The following COL4A4 variants were observed in gnomAD, a reference collection of about 807,000 sequenced individuals.
The protein encoded by COL4A4 is collagen type IV alpha 4 chain.
A neutral mutation model predicts 192.9 loss-of-function variants in COL4A4; 105 were observed. The observed-to-expected ratio is 0.54, with a 90% CI of 0.46 to 0.64. The LOEUF (loss-of-function observed/expected upper bound fraction) is 0.64, where lower values mean the gene tolerates loss of function less well. Ranked by LOEUF, COL4A4 falls within the 30% of genes least tolerant of loss-of-function variation. The pLI, the probability that COL4A4 is intolerant of heterozygous loss-of-function variation, is 0.00. For synonymous variants in COL4A4, 762 were observed against 769.9 expected (o/e 0.99, Z 0.17); for missense variants, 1,967 against 2,169.3 (o/e 0.91, Z 1.85).
At chr2:226,998,210 A>G (rs1363427930), downstream of COL4A4, 1 of 152,186 alleles carries the variant, frequency 6.6e-6, no homozygotes, top group Non-Finnish European at 1.5e-5. Flanking sequence ...CTCTGAATGT[A>G]TTGCCTGTGA....
At chr2:227,108,804 A>G in intron 11 of COL4A4, 29 bp downstream of exon 11, 1 of 1,608,850 alleles carries the variant, frequency 6.2e-7, no homozygotes, top group South Asian at 1.1e-5. Context: ...TCAGGGCTCT[A>G]TTGATGTATC....
Position 227,092,066 on chromosome 2 carries a change from C to CA in COL4A4, c.1369+2058dup, listed in dbSNP as rs915737121. ...TGGAATTTAAGACCCCAAAAACAAA[C>CA]AAAAAAAAAGAGCTCCTATGAGCTT... On this transcript the variant is annotated intron_variant, in intron 20 of 47. Coordinates refer to ENST00000396625, the MANE Select transcript of COL4A4 (RefSeq NM_000092.5). Among the ~76,000 whole-genome samples the CA allele has an allele frequency of 5.0e-3, 753 of 149,752 alleles. 6 individuals are homozygous for CA. The highest frequency in any genetic ancestry group is 0.018 in the African/African-American group (718 of 40,860).
intron 1 of COL4A4, among the ~76,000 whole-genome samples, chr2:227,156,340 G>A (rs1013486316): frequency 4.0e-5 from 6 of 151,260 alleles, no homozygotes; most frequent in East Asian, 1.9e-4. Context: ...CAGAGGTTGC[G>A]TGAGTGGAGA....
At chr2:227,053,472 G>A (rs1183918748) in intron 31 of COL4A4, among the ~76,000 whole-genome samples, 1 of 151,916 alleles carries the variant, frequency 6.6e-6, no homozygotes, top group Non-Finnish European at 1.5e-5. Flanking sequence ...TAACAGGGAT[G>A]GGGACATAAT....
At position 227,055,979 on chromosome 2, in the gene COL4A4, T is replaced by G. The variant is rs1576175164; in HGVS notation, c.2682A>C (p.Gly894=). The change falls in exon 30 of 48, where the codon GGA becomes GGC. Residue 894 remains glycine (G), a synonymous_variant. Transcript: ENST00000396625. ...CTGGAGGACCAGGTAGCCCATCATC[T>G]CCAAAGGGACCTGGGATTCCTGGGA... ...PGLPGIPGPF[G]DDGLPGPPGP... 2 of 1,613,968 alleles carry G rather than the reference T, an allele frequency of 1.2e-6. No individual in the cohort carries two copies. Among genetic ancestry groups the G allele is most frequent in the Non-Finnish European group, 1.7e-6 (2 of 1,179,950 alleles).
intron 25 of COL4A4, among the ~76,000 whole-genome samples, chr2:227,067,053 C>T (rs923861986): frequency 6.6e-6 from 1 of 151,596 alleles, no homozygotes; most frequent in Non-Finnish European, 1.5e-5. Flanking sequence ...CAAAAAAAGG[C>T]AGGGATTGCA....
Position 227,060,044 on chromosome 2 carries a change from A to G in COL4A4, c.2164+92T>C, listed in dbSNP as rs1976501735. 4.2e-5 allele frequency: 36 copies of G among 863,132 alleles called. No homozygotes were observed. The East Asian group carries it at 5.1e-4, about 12-fold the overall frequency. 53.5% of individuals were successfully genotyped at this position (863,132 alleles called of 1,614,324 possible). On this transcript the variant is annotated intron_variant, in intron 27 of 47. Coordinates refer to ENST00000396625, the MANE Select transcript of COL4A4 (RefSeq NM_000092.5). The stretch of plus-strand genomic sequence containing the variant: ...TAGGGATCCCTGGACCATTTCCTCA[A>G]TGAAATTATCCATCGGTAGAAATGT...
At chr2:227,038,561 G>A (rs1970160814) in intron 37 of COL4A4, among the ~76,000 whole-genome samples, 1 of 152,082 alleles carries the variant, frequency 6.6e-6, no homozygotes, top group Non-Finnish European at 1.5e-5. Flanking sequence ...CTCTTTTTTG[G>A]TTCCATTTGA....
At position 227,116,841 on chromosome 2, in the gene COL4A4, T is replaced by A. The variant is rs376500437; in HGVS notation, c.489+1804A>T. On this transcript the variant is annotated intron_variant, in intron 7 of 47. Coordinates refer to ENST00000396625, the MANE Select transcript of COL4A4 (RefSeq NM_000092.5). Reference sequence around the variant, plus strand: ...CACAACACTGGAAACAGATCCGAACTTAGGAGTATCATACTTCCTCAAAAC... The same window carrying A: ...CACAACACTGGAAACAGATCCGAACATAGGAGTATCATACTTCCTCAAAAC... Among the ~76,000 whole-genome samples the A allele has an allele frequency of 6.0e-5, 9 of 150,370 alleles. No individual in the cohort carries two copies. In the East Asian group the frequency reaches 1.5e-3, roughly 26 times the overall value.
At chr2:227,064,290 A>G (rs2058158756) in intron 25 of COL4A4, among the ~76,000 whole-genome samples, 1 of 152,212 alleles carries the variant, frequency 6.6e-6, no homozygotes, top group African/African-American at 2.4e-5. Context: ...AAGTTTTAAC[A>G]ATAGACTAGA....
intron 41 of COL4A4, among the ~76,000 whole-genome samples, chr2:227,028,775 C>T (rs555980504): frequency 6.6e-6 from 1 of 151,914 alleles, no homozygotes; most frequent in Non-Finnish European, 1.5e-5. Context: ...CTCACCTCAG[C>T]CTCCCGAGTA....
At chr2:227,016,420 CA>C (rs1964874165) in intron 44 of COL4A4, among the ~76,000 whole-genome samples, 7 of 152,186 alleles carry the variant, frequency 4.6e-5, no homozygotes, top group Admixed American at 4.6e-4. Context: ...CAGTGGTTGG[CA>C]AATTACAGCC....
chr2:227,121,546 A>T (rs1483413313), intron 4 of COL4A4, among the ~76,000 whole-genome samples: 2 of 146,312 alleles, frequency 1.4e-5, no homozygotes, highest in Non-Finnish European at 3.0e-5. Flanking sequence ...TGGGTGACAG[A>T]GACAGACCCT....
At chr2:227,007,920 A>G in intron 47 of COL4A4, 98 bp downstream of exon 47, 2 of 1,454,302 alleles carry the variant, frequency 1.4e-6, no homozygotes, top group Non-Finnish European at 1.9e-6. Flanking sequence ...TCCTAAGCGC[A>G]GAGTGCTCAG....
chr2:227,101,490 G>A lies in COL4A4; in HGVS notation c.1029+14C>T. 1 of 1,596,706 alleles carries A rather than the reference G, an allele frequency of 6.3e-7. No individual in the cohort carries two copies. The highest frequency in any genetic ancestry group is 1.1e-5 in the South Asian group (1 of 88,940). On this transcript the variant is annotated intron_variant, in intron 17 of 47. Transcript: ENST00000396625. ...ACTTTTATCAGGATATATTAAAATA[G>A]GCTCACTTTTTACCTTTGGGCCAAT...
chr2:227,064,674 T>A (rs1260184667), intron 25 of COL4A4, among the ~76,000 whole-genome samples: 3 of 152,172 alleles, frequency 2.0e-5, no homozygotes, highest in Admixed American at 6.6e-5. Context: ...CCTATCAGAC[T>A]TATAGCAGAC....
chr2:227,025,913 A>G, intron 42 of COL4A4, 103 bp from the exon 43 acceptor site: 1 of 1,015,996 alleles, frequency 9.8e-7, no homozygotes. Flanking sequence ...ATAGATTAAG[A>G]ACATACATAA....
At position 227,078,118 on chromosome 2, in the gene COL4A4, T is replaced by A. The variant is rs148988785; in HGVS notation, c.1804-41A>T. The A allele has an allele frequency of 3.3e-4, 532 of 1,603,042 alleles. No individual in the cohort carries two copies. The African/African-American group carries it at 4.8e-3, about 14-fold the overall frequency. ...CATGAGTCAATTACCAACCACTGAATGTCCATGAACTCAAAGCAGTCATTG... is the reference window on the plus strand; with the variant it reads ...CATGAGTCAATTACCAACCACTGAAAGTCCATGAACTCAAAGCAGTCATTG... On this transcript the variant is annotated intron_variant, in intron 24 of 47. Coordinates refer to ENST00000396625, the MANE Select transcript of COL4A4 (RefSeq NM_000092.5).
At chr2:227,098,611 A>G in intron 19 of COL4A4, 83 bp downstream of exon 19, 1 of 1,028,042 alleles carries the variant, frequency 9.7e-7, no homozygotes, top group Non-Finnish European at 1.5e-6. Context: ...TTCCAATATC[A>G]GCTACAGTTG....
Sources: allele counts gnomAD v4.1 joint callset (sites outside exome capture counted in the v4.1 genomes callset), GRCh38; gene constraint gnomAD v4.1.1; transcripts MANE v1.5; gene names NCBI Gene and HGNC (gene_info 2026-07-23, HGNC 2026-07-21).